The following CHD6 variants were observed in gnomAD, a reference collection of about 807,000 sequenced individuals.
CHD6 encodes chromodomain helicase DNA binding protein 6, also known as ATP-dependent chromatin remodeler CHD6.
In CHD6, 50 loss-of-function variants were observed where a neutral mutation model predicts 276.9. The ratio of observed to expected loss-of-function variants is 0.18; its 90% confidence interval spans 0.14 to 0.23. The LOEUF is 0.23. CHD6 is among the 10% of genes least tolerant of loss of function. The pLI, the probability that CHD6 is intolerant of heterozygous loss-of-function variation, is 1.00. For synonymous variants in CHD6, 1,173 were observed against 1,229.3 expected (o/e 0.95, Z 0.96); for missense variants, 2,564 against 3,365.8 (o/e 0.76, Z 5.89).
chr20:41,412,396 TA>T (rs2145403776), intron 35 of CHD6, 133 bp from the exon 36 acceptor site: 1 of 980,384 alleles, frequency 1.0e-6, no homozygotes, highest in South Asian at 1.6e-5. Flanking sequence ...CAGGTTAAAC[TA>T]AAGGAAATAG....
At chr20:41,530,856 C>T (rs1349246944) in intron 3 of CHD6, among the ~76,000 whole-genome samples, 1 of 152,182 alleles carries the variant, frequency 6.6e-6, no homozygotes, top group Non-Finnish European at 1.5e-5. Context: ...GTCTCTTGGA[C>T]TTCTAAACCT....
intron 2 of CHD6, 57 bp from the exon 3 acceptor site, chr20:41,533,627 A>G: frequency 6.9e-7 from 1 of 1,441,172 alleles, no homozygotes; most frequent in Non-Finnish European, 9.3e-7. Flanking sequence ...TCAGACAAAG[A>G]GAGTTACCCA....
At chr20:41,594,329 C>A (rs935894832) in intron 1 of CHD6, among the ~76,000 whole-genome samples, 1 of 152,190 alleles carries the variant, frequency 6.6e-6, no homozygotes. Context: ...ATGTTTTCCT[C>A]AAAATTTCTT....
In CHD6 at chr20:41,452,414, G is replaced by A. The variant is rs948765540; in HGVS notation, c.3323+326C>T. 4.6e-5 allele frequency among the ~76,000 whole-genome samples: 7 copies of A among 152,202 alleles called. No homozygotes were observed. The highest frequency in any genetic ancestry group is 8.8e-5 in the Non-Finnish European group (6 of 68,044). On this transcript the variant is annotated intron_variant, in intron 21 of 36. Coordinates refer to ENST00000373233, the MANE Select transcript of CHD6 (RefSeq NM_032221.5). The surrounding 1 kb of genome is among the most constrained non-coding windows in gnomAD (Gnocchi z 4.2). ...AGCCCTGCACGAATCATGCCTTGGC[G>A]ATAACATGTGTTGTGTGGACTCCTT...
In CHD6 at chr20:41,402,718, T is replaced by C. The variant is rs2046567860; in HGVS notation, c.*1875A>G. ...TATTGATTGAGTTATTTTTCTTACA[T>C]AAATAAATTATATTGATTTTTAGGA... On this transcript the variant is annotated 3_prime_UTR_variant, in exon 37 of 37. Coordinates refer to ENST00000373233, the MANE Select transcript of CHD6 (RefSeq NM_032221.5). The C allele has an allele frequency of 4.7e-6, 1 of 210,960 alleles. No homozygotes were observed. The allele number at this position is 210,960 out of a possible 1,614,324, so 13.1% of individuals were successfully genotyped here.
chr20:41,497,614 T>C (rs2145892639), intron 7 of CHD6, 113 bp from the exon 8 acceptor site: 1 of 787,974 alleles, frequency 1.3e-6, no homozygotes, highest in South Asian at 1.4e-5. Flanking sequence ...AAATGGTTTA[T>C]TGTGAAACTG....
chr20:41,433,753 G>A (rs190167263), intron 27 of CHD6, among the ~76,000 whole-genome samples: 62 of 152,232 alleles, frequency 4.1e-4, no homozygotes, highest in African/African-American at 1.4e-3. Flanking sequence ...TTTGACAGTT[G>A]AGGCAAAAAT....
At chr20:41,600,486 C>T (rs1034345309) in intron 1 of CHD6, among the ~76,000 whole-genome samples, 2 of 152,116 alleles carry the variant, frequency 1.3e-5, no homozygotes, top group Admixed American at 1.3e-4. Flanking sequence ...AGTGTTGGAA[C>T]AGTCTCTATG....
intron 1 of CHD6, among the ~76,000 whole-genome samples, chr20:41,577,153 T>A (rs1448302028): frequency 6.6e-6 from 1 of 152,132 alleles, no homozygotes; most frequent in Non-Finnish European, 1.5e-5. Context: ...AGAAATAAAC[T>A]TAGAACGAGA....
chr20:41,535,185 G>C (rs962973669), intron 2 of CHD6, among the ~76,000 whole-genome samples: 3 of 152,014 alleles, frequency 2.0e-5, no homozygotes, highest in Admixed American at 1.3e-4. Flanking sequence ...TGAAGGACAG[G>C]GGTCCCCAAA....
rs746903449 is a variant in CHD6 at position 41,420,625 on chromosome 20, C to T, written c.6010G>A (p.Ala2004Thr). The T allele has an allele frequency of 2.5e-6, 4 of 1,614,098 alleles. No homozygotes were observed. The African/African-American group carries it at 5.3e-5, about 22-fold the overall frequency. Residue 2004 changes from alanine to threonine, a missense_variant, in exon 31 of 37, where the codon GCA (alanine) becomes ACA (threonine). Transcript: ENST00000373233. ...GTGGGGAAAACGTTTTGCCCCTCTGCACTTTCTTTCCAAGGTTCTTTTAAA... is the reference window on the plus strand; with the variant it reads ...GTGGGGAAAACGTTTTGCCCCTCTGTACTTTCTTTCCAAGGTTCTTTTAAA... ...ELLKEPWKES[A>T]EGQNVFPTYP...
At chr20:41,517,347 G>A (rs1315779186) in intron 3 of CHD6, among the ~76,000 whole-genome samples, 2 of 151,972 alleles carry the variant, frequency 1.3e-5, no homozygotes, top group Non-Finnish European at 2.9e-5. Flanking sequence ...TAATACCTGG[G>A]GGATGAAATA....
chr20:41,606,433 G>A (rs934186141), intron 1 of CHD6, among the ~76,000 whole-genome samples: 6 of 152,206 alleles, frequency 3.9e-5, no homozygotes, highest in Non-Finnish European at 7.3e-5. Flanking sequence ...AGAATGGCGT[G>A]AACCCAGGAG....
At chr20:41,464,939 C>A (rs1335910800) in intron 17 of CHD6, among the ~76,000 whole-genome samples, 1 of 152,022 alleles carries the variant, frequency 6.6e-6, no homozygotes, top group African/African-American at 2.4e-5. Flanking sequence ...TCTGGACAAC[C>A]TGAAAACAAA....
At position 41,402,280 on chromosome 20, in the gene CHD6, CT is replaced by C; in HGVS notation, c.*2312del. On this transcript the variant is annotated 3_prime_UTR_variant, in exon 37 of 37. Transcript: ENST00000373233. Reference sequence around the variant, plus strand: ...AACGTCAAAATAATCATAAGAAGCACTTGTGCCTTACAGAGCAAATAATCCA... The same window carrying C: ...AACGTCAAAATAATCATAAGAAGCACTGTGCCTTACAGAGCAAATAATCCA... 1 of 224,410 alleles carries C rather than the reference CT, an allele frequency of 4.5e-6. No individual in the cohort carries two copies. Among genetic ancestry groups the C allele is most frequent in the South Asian group, 1.8e-4 (1 of 5,454 alleles). 13.9% of individuals were successfully genotyped at this position (224,410 alleles called of 1,614,324 possible).
chr20:41,447,130 C>T (rs1464141893), intron 24 of CHD6, among the ~76,000 whole-genome samples: 1 of 152,162 alleles, frequency 6.6e-6, no homozygotes, highest in African/African-American at 2.4e-5. Flanking sequence ...GTCTATGTCC[C>T]TCTCTCTCTT....
chr20:41,548,026 T>C lies in CHD6; in HGVS notation c.33+3279A>G, dbSNP rs2045076237. The C allele has an allele frequency of 2.9e-5, 6 of 204,200 alleles. No individual in the cohort carries two copies. The South Asian group carries it at 5.6e-4, about 19-fold the overall frequency. The allele number at this position is 204,200 out of a possible 1,614,324, so 12.6% of individuals were successfully genotyped here. A position where few individuals can be genotyped will look rare whatever the true frequency, so the allele number is the denominator to read the frequency against. ...TAAGGTCAGAGTTTCAATCCTGTTCTATGGAAATCAAAGCTGAAATTCACT... is the reference window on the plus strand; with the variant it reads ...TAAGGTCAGAGTTTCAATCCTGTTCCATGGAAATCAAAGCTGAAATTCACT... On this transcript the variant is annotated intron_variant, in intron 2 of 36. Transcript: ENST00000373233.
At chr20:41,519,703 C>T (rs1470930856) in intron 3 of CHD6, among the ~76,000 whole-genome samples, 2 of 152,138 alleles carry the variant, frequency 1.3e-5, no homozygotes, top group Non-Finnish European at 2.9e-5. Flanking sequence ...AAATGTTAGA[C>T]CTAAAACCAT....
intron 27 of CHD6, among the ~76,000 whole-genome samples, chr20:41,427,096 A>T (rs1398821907): frequency 6.6e-6 from 1 of 152,024 alleles, no homozygotes; most frequent in African/African-American, 2.4e-5. Flanking sequence ...AAAGGGTGAA[A>T]AAAAGGGAGG....
Sources: gnomAD v4.1 joint callset for allele counts (sites outside exome capture counted in the v4.1 genomes callset) on GRCh38, gnomAD v4.1.1 for gene constraint, Gnocchi (gnomAD v3.1) non-coding constraint, MANE v1.5 for transcripts, NCBI Gene and HGNC (gene_info 2026-07-23, HGNC 2026-07-21) for gene names.